FAM222A: variants seen among roughly 807,000 people sequenced by gnomAD.
The protein encoded by FAM222A is protein FAM222A.
A neutral mutation model predicts 25.8 loss-of-function variants in FAM222A; 7 were observed. The observed-to-expected ratio is 0.27, with a 90% CI of 0.15 to 0.51. The LOEUF (loss-of-function observed/expected upper bound fraction) is 0.51. Ranked by LOEUF, FAM222A falls within the 20% of genes least tolerant of loss-of-function variation. The pLI is 0.97. For missense variants in FAM222A, 573 were observed against 640.5 expected (o/e 0.89, Z 1.14); for synonymous variants, 294 against 298.8 (o/e 0.98, Z 0.17).
intron 1 of FAM222A, among the ~76,000 whole-genome samples, chr12:109,737,617 C>G (rs1407233099): frequency 6.6e-6 from 1 of 151,538 alleles, no homozygotes; most frequent in Non-Finnish European, 1.5e-5. Context: ...AAATCCCCTT[C>G]TGGTGCTGAG....
intron 1 of FAM222A, among the ~76,000 whole-genome samples, chr12:109,731,624 G>A (rs1887949750): frequency 6.6e-6 from 1 of 152,148 alleles, no homozygotes; most frequent in Non-Finnish European, 1.5e-5. Context: ...TTATCCAGAA[G>A]CTTCCCAGCC....
chr12:109,755,287 C>CTTTTTTTTTTTTTTTTTTTTTTTTTTTTT (rs540689300), intron 2 of FAM222A, among the ~76,000 whole-genome samples: 1 of 49,384 alleles, frequency 2.0e-5, no homozygotes, highest in Non-Finnish European at 3.4e-5. Context: ...TGTAATTCTT[C>CTTTTTTTTTTTTTTTTTTTTTTTTTTTTT]TTTTTTTTTT....
At chr12:109,739,193 G>A (rs1888167400) in intron 1 of FAM222A, among the ~76,000 whole-genome samples, 1 of 152,254 alleles carries the variant, frequency 6.6e-6, no homozygotes, top group South Asian at 2.1e-4. Context: ...AGCCAGGTGT[G>A]TCCTCCTCCT....
intron 1 of FAM222A, among the ~76,000 whole-genome samples, chr12:109,731,856 A>T (rs564377386): frequency 6.6e-6 from 1 of 152,156 alleles, no homozygotes; most frequent in East Asian, 1.9e-4. Flanking sequence ...CCATGCAGGG[A>T]GTGTGGGAAA....
intron 1 of FAM222A, among the ~76,000 whole-genome samples, chr12:109,737,506 G>C (rs1057509945): frequency 6.6e-6 from 1 of 151,800 alleles, no homozygotes; most frequent in Non-Finnish European, 1.5e-5. Context: ...CTGCTGGGGT[G>C]GGGACAGATA....
intron 1 of FAM222A, chr12:109,735,613 TC>T (rs997780021): frequency 3.3e-5 from 5 of 152,210 alleles, no homozygotes; most frequent in Admixed American, 2.6e-4. Context: ...CACACAGTGT[TC>T]CGTCTTCCGG....
intron 1 of FAM222A, among the ~76,000 whole-genome samples, chr12:109,733,722 T>C (rs1013265992): frequency 1.3e-5 from 2 of 152,176 alleles, no homozygotes; most frequent in African/African-American, 4.8e-5. Flanking sequence ...TACATATTTC[T>C]ATCAGACAGC....
chr12:109,717,649 A>G (rs1887669079), intron 1 of FAM222A, among the ~76,000 whole-genome samples: 1 of 152,062 alleles, frequency 6.6e-6, no homozygotes, highest in Admixed American at 6.6e-5. Context: ...GTGGATAGGG[A>G]AGGTTTAAGC....
At chr12:109,725,959 C>T (rs1417522727) in intron 1 of FAM222A, among the ~76,000 whole-genome samples, 1 of 151,930 alleles carries the variant, frequency 6.6e-6, no homozygotes, top group Non-Finnish European at 1.5e-5. Context: ...TTTGGCCGCC[C>T]TGAGCTGGTG....
chr12:109,763,933 A>G (rs758334131), intron 2 of FAM222A, among the ~76,000 whole-genome samples: 3 of 152,136 alleles, frequency 2.0e-5, no homozygotes, highest in Admixed American at 6.5e-5. Context: ...AAGAAAAGCC[A>G]TGGAGGCTGG....
At chr12:109,755,519 G>A (rs556785590) in intron 2 of FAM222A, among the ~76,000 whole-genome samples, 16 of 151,998 alleles carry the variant, frequency 1.1e-4, no homozygotes, top group African/African-American at 2.7e-4. Context: ...GTACAGACAC[G>A]GTTTCTCTAT....
At chr12:109,731,671 G>A (rs895278394) in intron 1 of FAM222A, among the ~76,000 whole-genome samples, 4 of 152,132 alleles carry the variant, frequency 2.6e-5, no homozygotes, top group African/African-American at 7.2e-5. Flanking sequence ...GGTGGGGCTT[G>A]TGTTGCCTAG....
chr12:109,741,783 G>C (rs1410616130), intron 1 of FAM222A, among the ~76,000 whole-genome samples: 2 of 152,196 alleles, frequency 1.3e-5, no homozygotes, highest in Non-Finnish European at 2.9e-5. Context: ...AGGGTGTGCT[G>C]GGAGGCAAGG....
intron 1 of FAM222A, chr12:109,720,097 C>T: frequency 1.0e-6 from 1 of 985,434 alleles, no homozygotes; most frequent in Non-Finnish European, 1.2e-6. Context: ...TAGCTGAGCC[C>T]CTCAGAGCTG....
chr12:109,742,296 G>A (rs985304505), intron 1 of FAM222A: 3 of 152,304 alleles, frequency 2.0e-5, no homozygotes, highest in Non-Finnish European at 4.4e-5. Flanking sequence ...GGTGTCCAAG[G>A]CTGTGGTGAT....
chr12:109,720,863 G>T (rs1011713101), intron 1 of FAM222A, among the ~76,000 whole-genome samples: 9 of 152,220 alleles, frequency 5.9e-5, no homozygotes, highest in African/African-American at 2.2e-4. Flanking sequence ...GCCAGGGGCA[G>T]GGGGGCACAG....
intron 2 of FAM222A, among the ~76,000 whole-genome samples, chr12:109,747,987 G>A (rs1391683591): frequency 6.6e-6 from 1 of 152,146 alleles, no homozygotes; most frequent in Admixed American, 6.5e-5. Flanking sequence ...GTAGCTTCTA[G>A]ATTTCCCCAT....
At chr12:109,716,020 G>A (rs1887636294) in intron 1 of FAM222A, among the ~76,000 whole-genome samples, 1 of 152,222 alleles carries the variant, frequency 6.6e-6, no homozygotes, top group African/African-American at 2.4e-5. Flanking sequence ...GGCCAACCTG[G>A]AACTCCTGAT....
At chr12:109,744,029 C>T (rs576504177) in intron 1 of FAM222A, 72 bp from the exon 2 acceptor site, 24 of 1,461,972 alleles carry the variant, frequency 1.6e-5, no homozygotes, top group African/African-American at 2.8e-5. Context: ...CAGGGAGACT[C>T]CCGGGGGGAA....
Sources: allele counts gnomAD v4.1 joint callset (sites outside exome capture counted in the v4.1 genomes callset), GRCh38; gene constraint gnomAD v4.1.1; transcripts MANE v1.5; gene names NCBI Gene and HGNC (gene_info 2026-07-23, HGNC 2026-07-21).